Variants in KDM4B observed in about 807,000 individuals in gnomAD.
KDM4B encodes lysine demethylase 4B, also known as lysine-specific demethylase 4B.
Under a neutral mutation model 125.2 loss-of-function variants are expected in KDM4B, and 32 were observed. That is an observed-to-expected ratio of 0.26 (90% CI 0.19 to 0.34). The LOEUF (loss-of-function observed/expected upper bound fraction) is 0.34, where lower values mean the gene tolerates loss of function less well. Among genes scored for constraint, KDM4B ranks in the 10% least tolerant of loss-of-function variants. The probability of loss-of-function intolerance (pLI) is 1.00; values close to 1 mark genes in which losing one functional copy is unlikely to be tolerated. For synonymous variants in KDM4B, 721 were observed against 677.9 expected, an observed-to-expected ratio of 1.06 and a Z score of -0.99; for missense variants, 1,190 against 1,577.7, an observed-to-expected ratio of 0.75 and a Z score of 4.16.
At chr19:5,033,120 C>T (rs2036511075) in intron 3 of KDM4B, 89 bp downstream of exon 3, 1 of 1,463,538 alleles carries the variant, frequency 6.8e-7, no homozygotes, top group Admixed American at 2.0e-5. Flanking sequence ...GCCAGCCCCA[C>T]AGGCGTGGCC....
intron 1 of KDM4B, among the ~76,000 whole-genome samples, chr19:5,009,169 C>T (rs1156567320): frequency 6.6e-6 from 1 of 152,140 alleles, no homozygotes; most frequent in Non-Finnish European, 1.5e-5. Flanking sequence ...CTCACCTTGG[C>T]CTCCCAAAGT....
At chr19:5,045,729 T>A (rs1342121091) in intron 5 of KDM4B, among the ~76,000 whole-genome samples, 1 of 152,182 alleles carries the variant, frequency 6.6e-6, no homozygotes, top group Non-Finnish European at 1.5e-5. Flanking sequence ...CGCCTTGGCC[T>A]CCCAAAGTGC....
intron 21 of KDM4B, among the ~76,000 whole-genome samples, chr19:5,148,555 C>T (rs1322896317): frequency 6.6e-6 from 1 of 152,218 alleles, no homozygotes; most frequent in African/African-American, 2.4e-5. Context: ...CTGCCAGAAG[C>T]CGAGAGGCCG....
At chr19:5,139,664 G>T (rs1036005137) in intron 18 of KDM4B, among the ~76,000 whole-genome samples, 2 of 152,210 alleles carry the variant, frequency 1.3e-5, no homozygotes, top group African/African-American at 4.8e-5. Context: ...TTCTCCTGGC[G>T]GTCAGTGACG....
In KDM4B at chr19:5,110,730, G is replaced by A; in HGVS notation, c.1027G>A (p.Asp343Asn). ...WKQGKDLTVL[D>N]HTRPTALTSP... Reference sequence around the variant, plus strand: ...GCAGGGCAAGGACCTCACGGTGCTGGACCACACGCGGCCCACGGCGCTCAC... The same window carrying A: ...GCAGGGCAAGGACCTCACGGTGCTGAACCACACGCGGCCCACGGCGCTCAC... Residue 343 changes from aspartate (D) to asparagine (N), a missense_variant, in exon 10 of 23, where the codon GAC (aspartate) becomes AAC (asparagine). Asp to Asn is a conservative substitution (Grantham distance 23). This residue lies in a region of KDM4B where 428 missense variants were observed against 405.1 expected (regional missense o/e 1.06). Transcript: ENST00000159111. 6.2e-7 allele frequency: 1 copy of A among 1,612,570 alleles called. No homozygotes were observed. Among genetic ancestry groups the A allele is most frequent in the Non-Finnish European group, 8.5e-7 (1 of 1,179,772 alleles).
At chr19:5,048,883 A>C (rs999381069) in intron 6 of KDM4B, among the ~76,000 whole-genome samples, 1 of 152,074 alleles carries the variant, frequency 6.6e-6, no homozygotes, top group African/African-American at 2.4e-5. Flanking sequence ...GCCGGCAAGG[A>C]GGCCCAGCCA....
chr19:5,118,743 A>G (rs551372359), intron 10 of KDM4B, among the ~76,000 whole-genome samples: 7 of 152,316 alleles, frequency 4.6e-5, no homozygotes, highest in Non-Finnish European at 1.0e-4. Flanking sequence ...CTCATTTCTA[A>G]GAAGTCTCAG....
chr19:5,125,100 A>G (rs1409735009), intron 11 of KDM4B, among the ~76,000 whole-genome samples: 1 of 151,412 alleles, frequency 6.6e-6, no homozygotes, highest in Non-Finnish European at 1.5e-5. Context: ...GGGTCTCGCT[A>G]TGTTGCCCAA....
rs767598731 is a variant in KDM4B, at chr19:5,131,218, G to T, written c.1458G>T (p.Glu486Asp). 1.6e-5 allele frequency: 26 copies of T among 1,605,756 alleles called. No individual in the cohort carries two copies. The highest frequency in any genetic ancestry group is 1.7e-4 in the Middle Eastern group (1 of 5,952). The change falls in exon 12 of 23, where the codon GAG (glutamate) becomes GAT (aspartate). Residue 486 changes from glutamate (E) to aspartate (D), a missense_variant. Glu to Asp is a conservative substitution (Grantham distance 45). This residue lies in a region of KDM4B where 428 missense variants were observed against 405.1 expected (regional missense o/e 1.06). Coordinates refer to ENST00000159111, the MANE Select transcript of KDM4B (RefSeq NM_015015.3). ...CGCTGTGGCTGCCATCCCCACTGGA[G>T]CCCCCGGTGCTGGGCCCAGGCCCTG... ...EEALWLPSPL[E>D]PPVLGPGPAA...
At position 5,114,974 on chromosome 19, in the gene KDM4B, T is replaced by C. The variant is rs2039226888; in HGVS notation, c.1115+4156T>C. On this transcript the variant is annotated intron_variant, in intron 10 of 22. Coordinates refer to ENST00000159111, the MANE Select transcript of KDM4B (RefSeq NM_015015.3). The surrounding 1 kb of genome is among the most constrained non-coding windows in gnomAD (Gnocchi z 5.8). The stretch of plus-strand genomic sequence containing the variant: ...AGTTAAGCCTGGCAGGCTAAGTGCT[T>C]ATTTATCTCCACTCTCTCCTGAAAC... 6.6e-6 allele frequency among the ~76,000 whole-genome samples: 1 copy of C among 152,222 alleles called. No homozygotes were observed.
At chr19:4,985,848 G>C (rs2034810222) in intron 1 of KDM4B, among the ~76,000 whole-genome samples, 1 of 152,186 alleles carries the variant, frequency 6.6e-6, no homozygotes, top group Non-Finnish European at 1.5e-5. Flanking sequence ...GCGCGGATTG[G>C]GACTGTCTGT....
chr19:5,044,602 G>A (rs531387524), intron 5 of KDM4B, among the ~76,000 whole-genome samples: 4 of 152,202 alleles, frequency 2.6e-5, no homozygotes, highest in Non-Finnish European at 5.9e-5. Flanking sequence ...AGGCTGCAGT[G>A]CAGTGGCGCA....
chr19:4,984,139 C>T (rs989740640), intron 1 of KDM4B, among the ~76,000 whole-genome samples: 1 of 152,094 alleles, frequency 6.6e-6, no homozygotes, highest in African/African-American at 2.4e-5. Context: ...GTGCCCCGGG[C>T]GGCCTCATCC....
chr19:4,986,774 T>TGCC (rs1225655000), intron 1 of KDM4B, among the ~76,000 whole-genome samples: 1 of 152,062 alleles, frequency 6.6e-6, no homozygotes, highest in Non-Finnish European at 1.5e-5. Flanking sequence ...TCCAAAGAAG[T>TGCC]GCAGGCAGCA....
intron 10 of KDM4B, among the ~76,000 whole-genome samples, chr19:5,118,223 C>G (rs2039294137): frequency 6.6e-6 from 1 of 152,188 alleles, no homozygotes; most frequent in African/African-American, 2.4e-5. Flanking sequence ...GCCACAGGGA[C>G]CCCCGTGGGA....
At chr19:5,146,717 A>C (rs1018437947) in intron 21 of KDM4B, among the ~76,000 whole-genome samples, 1 of 149,896 alleles carries the variant, frequency 6.7e-6, no homozygotes, top group Non-Finnish European at 1.5e-5. Context: ...ACTTGAGGCT[A>C]AGAGTTCGAG....
At chr19:4,987,333 C>T (rs2034872631) in intron 1 of KDM4B, among the ~76,000 whole-genome samples, 1 of 152,238 alleles carries the variant, frequency 6.6e-6, no homozygotes, top group Non-Finnish European at 1.5e-5. Context: ...AGCGCTTTCT[C>T]TTATAGACTA....
chr19:5,068,247 A>G (rs1297964136), intron 6 of KDM4B, among the ~76,000 whole-genome samples: 1 of 152,110 alleles, frequency 6.6e-6, no homozygotes, highest in Non-Finnish European at 1.5e-5. Context: ...GGAGGCCCGA[A>G]GGCTCCCTGA....
At chr19:5,006,802 A>G (rs1417080124) in intron 1 of KDM4B, among the ~76,000 whole-genome samples, 3 of 151,526 alleles carry the variant, frequency 2.0e-5, no homozygotes, top group African/African-American at 7.2e-5. Flanking sequence ...TGGTGAGTTA[A>G]GAGGGTAACC....
Sources: gnomAD v4.1 joint callset for allele counts (sites outside exome capture counted in the v4.1 genomes callset) on GRCh38, gnomAD v4.1.1 for gene constraint, gnomAD v4.1.1 regional missense constraint, Gnocchi (gnomAD v3.1) non-coding constraint, MANE v1.5 for transcripts, NCBI Gene and HGNC (gene_info 2026-07-23, HGNC 2026-07-21) for gene names.